Variants in PRDM5 observed in about 807,000 individuals in gnomAD.
The protein encoded by PRDM5 is PR domain zinc finger protein 5.
Under a neutral mutation model 81.2 loss-of-function variants are expected in PRDM5, and 56 were observed. The observed-to-expected ratio is 0.69, with a 90% CI of 0.56 to 0.86. The LOEUF (loss-of-function observed/expected upper bound fraction) is 0.86, where lower values mean the gene tolerates loss of function less well. Ranked by LOEUF, PRDM5 falls within the 40% of genes least tolerant of loss-of-function variation. The pLI is 0.00. For synonymous variants in PRDM5, 267 were observed against 256.4 expected, an observed-to-expected ratio of 1.04 and a Z score of -0.39; for missense variants, 697 against 770.1, an observed-to-expected ratio of 0.91 and a Z score of 1.12.
chr4:120,885,129 C>T lies in PRDM5; in HGVS notation c.177+22345G>A, dbSNP rs1217040816. On this transcript the variant is annotated intron_variant, in intron 2 of 15. Coordinates refer to ENST00000264808, the MANE Select transcript of PRDM5 (RefSeq NM_018699.4). ...CAGCCTGGGCGACAGAGCAAGACTC[C>T]GTATCAAAAAAAAAAAAAAAAAAAA... Among the ~76,000 whole-genome samples the T allele has an allele frequency of 7.2e-5, 7 of 97,310 alleles. No individual in the cohort carries two copies. The South Asian group carries it at 1.5e-3, about 21-fold the overall frequency. 63.8% of individuals were successfully genotyped at this position (97,310 alleles called of 152,430 possible).
intron 13 of PRDM5, among the ~76,000 whole-genome samples, chr4:120,775,265 T>C (rs549036193): frequency 6.6e-6 from 1 of 152,052 alleles, no homozygotes; most frequent in Non-Finnish European, 1.5e-5. Context: ...AACCATGACA[T>C]ATATTTAATA....
chr4:120,892,126 TTTTG>T (rs1764121039), intron 2 of PRDM5, among the ~76,000 whole-genome samples: 1 of 152,198 alleles, frequency 6.6e-6, no homozygotes, highest in Non-Finnish European at 1.5e-5. Context: ...CTTTGAGTGA[TTTTG>T]TTTGTATTAA....
chr4:120,722,467 C>T (rs1334594905), intron 14 of PRDM5, among the ~76,000 whole-genome samples: 1 of 151,906 alleles, frequency 6.6e-6, no homozygotes, highest in Non-Finnish European at 1.5e-5. Flanking sequence ...TGGAGGAGGA[C>T]CCTTCCCAGC....
At chr4:120,835,386 G>A (rs1757227185) in intron 3 of PRDM5, among the ~76,000 whole-genome samples, 1 of 152,204 alleles carries the variant, frequency 6.6e-6, no homozygotes, top group Non-Finnish European at 1.5e-5. Context: ...GCCTATGCCT[G>A]TGTGCATGCA....
chr4:120,703,738 C>T (rs1449371441), intron 15 of PRDM5, among the ~76,000 whole-genome samples: 1 of 152,064 alleles, frequency 6.6e-6, no homozygotes, highest in Non-Finnish European at 1.5e-5. Context: ...AATGAACACA[C>T]AAAAGGTTAC....
At chr4:120,758,235 T>C (rs141812413) in intron 13 of PRDM5, among the ~76,000 whole-genome samples, 4 of 152,266 alleles carry the variant, frequency 2.6e-5, no homozygotes, top group East Asian at 1.9e-4. Context: ...TCTATAAATA[T>C]GCTATTGGTT....
At chr4:120,800,317 A>T (rs1458452166) in intron 8 of PRDM5, among the ~76,000 whole-genome samples, 2 of 152,138 alleles carry the variant, frequency 1.3e-5, no homozygotes, top group Non-Finnish European at 2.9e-5. Flanking sequence ...GGAGTTCGAG[A>T]TCAGCCTGGA....
At position 120,806,647 on chromosome 4, in the gene PRDM5, G is replaced by T. The variant is rs190286220; in HGVS notation, c.945+4723C>A. On this transcript the variant is annotated intron_variant, in intron 8 of 15. Transcript: ENST00000264808. Reference sequence around the variant, plus strand: ...GTGCTGGGAAAACTGGCTAGCCATAGGTAGAAAGCTGAAACTGGATCCCTT... The same window carrying T: ...GTGCTGGGAAAACTGGCTAGCCATATGTAGAAAGCTGAAACTGGATCCCTT... Among the ~76,000 whole-genome samples, 480 of 152,114 alleles carry T rather than the reference G, an allele frequency of 3.2e-3. 2 individuals carry two copies. Among genetic ancestry groups the T allele is most frequent in the Non-Finnish European group, 3.2e-3 (220 of 67,964 alleles).
intron 14 of PRDM5, among the ~76,000 whole-genome samples, chr4:120,750,392 G>C (rs1488835849): frequency 6.6e-6 from 1 of 152,150 alleles, no homozygotes; most frequent in Non-Finnish European, 1.5e-5. Flanking sequence ...CAAAGGCAGA[G>C]AGAGAGAAAC....
chr4:120,755,968 C>A (rs932899235), intron 13 of PRDM5, among the ~76,000 whole-genome samples: 2 of 152,150 alleles, frequency 1.3e-5, no homozygotes, highest in Non-Finnish European at 2.9e-5. Flanking sequence ...AAACAACAAT[C>A]ACAACACAAA....
chr4:120,783,011 T>G (rs1236678756), intron 11 of PRDM5, among the ~76,000 whole-genome samples: 1 of 152,092 alleles, frequency 6.6e-6, no homozygotes, highest in Non-Finnish European at 1.5e-5. Flanking sequence ...ACCTACAAGC[T>G]AGCCAGCAAC....
chr4:120,733,322 C>T (rs564641017), intron 14 of PRDM5, among the ~76,000 whole-genome samples: 13 of 152,302 alleles, frequency 8.5e-5, no homozygotes, highest in Middle Eastern at 6.8e-3. Flanking sequence ...GCCTGCCTGA[C>T]CCCCACCTCA....
chr4:120,701,808 T>C (rs1254465682), intron 15 of PRDM5, among the ~76,000 whole-genome samples: 1 of 152,046 alleles, frequency 6.6e-6, no homozygotes, highest in African/African-American at 2.4e-5. Flanking sequence ...ATGTACTCTC[T>C]GAATCTAAAA....
At chr4:120,882,226 C>T (rs774301133) in intron 2 of PRDM5, among the ~76,000 whole-genome samples, 17 of 152,320 alleles carry the variant, frequency 1.1e-4, no homozygotes, top group South Asian at 2.1e-4. Flanking sequence ...GGCTTCATTG[C>T]AACCTCCGCC....
At chr4:120,686,435 C>T (rs1733836197) in intron 1 of PRDM5, among the ~76,000 whole-genome samples, 1 of 152,062 alleles carries the variant, frequency 6.6e-6, no homozygotes, top group Admixed American at 6.6e-5. Context: ...TAAAGCAAAA[C>T]TGTTCAGGAT....
At chr4:120,829,862 G>GA (rs199973177) in intron 3 of PRDM5, among the ~76,000 whole-genome samples, 5 of 149,840 alleles carry the variant, frequency 3.3e-5, no homozygotes, top group African/African-American at 9.8e-5. Flanking sequence ...CAGTGTAGAG[G>GA]AAAAAAAAAG....
intron 1 of PRDM5, among the ~76,000 whole-genome samples, chr4:120,911,727 C>A (rs1440129761): frequency 6.6e-6 from 1 of 152,070 alleles, no homozygotes; most frequent in Non-Finnish European, 1.5e-5. Flanking sequence ...AGATTTCTTC[C>A]AGCTTTTAAA....
At chr4:120,712,464 G>A (rs1055271116) in intron 14 of PRDM5, among the ~76,000 whole-genome samples, 10 of 152,112 alleles carry the variant, frequency 6.6e-5, no homozygotes, top group Admixed American at 2.6e-4. Flanking sequence ...AGCCTAAGAA[G>A]TCCAACCTTT....
At chr4:120,715,131 C>T (rs1220667516) in intron 14 of PRDM5, among the ~76,000 whole-genome samples, 1 of 152,074 alleles carries the variant, frequency 6.6e-6, no homozygotes, top group African/African-American at 2.4e-5. Context: ...TCCCTGACAC[C>T]ATGAAAAATC....
Sources: allele counts gnomAD v4.1 joint callset (sites outside exome capture counted in the v4.1 genomes callset), GRCh38; gene constraint gnomAD v4.1.1; transcripts MANE v1.5; gene names NCBI Gene and HGNC (gene_info 2026-07-23, HGNC 2026-07-21).